CHD9: variants seen among roughly 807,000 people sequenced by gnomAD.
The protein encoded by CHD9 is chromodomain helicase DNA binding protein 9.
Under a neutral mutation model 316.1 loss-of-function variants are expected in CHD9, and 77 were observed. The observed-to-expected ratio is 0.24, with a 90% confidence interval of 0.20 to 0.29. CHD9 has a LOEUF of 0.29. Ranked by LOEUF, CHD9 falls within the 10% of genes least tolerant of loss-of-function variation. The probability of loss-of-function intolerance (pLI) is 1.00; values close to 1 mark genes in which losing one functional copy is unlikely to be tolerated. For synonymous variants in CHD9, 1,129 were observed against 1,158.3 expected, an observed-to-expected ratio of 0.97 and a Z score of 0.51; for missense variants, 2,763 against 3,438.1, an observed-to-expected ratio of 0.80 and a Z score of 4.91.
chr16:53,173,958 A>G (rs1251936049), intron 2 of CHD9, among the ~76,000 whole-genome samples: 3 of 152,164 alleles, frequency 2.0e-5, no homozygotes, highest in African/African-American at 7.2e-5. Flanking sequence ...TTTTAACTGC[A>G]TCTCACAGAT....
Position 53,187,830 on chromosome 16 carries a change from G to C in CHD9, c.1453-21652G>C, listed in dbSNP as rs75186625. On this transcript the variant is annotated intron_variant, in intron 2 of 38. Coordinates refer to ENST00000447540, the MANE Select transcript of CHD9 (RefSeq NM_001308319.2). Reference sequence around the variant, plus strand: ...TTAAATCAATGGGAATTTATAAGTAGTAAGAAAATCAGGATATCAGCTATA... The same window carrying C: ...TTAAATCAATGGGAATTTATAAGTACTAAGAAAATCAGGATATCAGCTATA... Among the ~76,000 whole-genome samples the C allele has an allele frequency of 6.2e-3, 951 of 152,276 alleles. 4 individuals are homozygous for C. Among genetic ancestry groups the C allele is most frequent in the Non-Finnish European group, 0.01 (712 of 68,000 alleles).
At chr16:53,187,432 G>C (rs2044118031) in intron 2 of CHD9, among the ~76,000 whole-genome samples, 1 of 152,154 alleles carries the variant, frequency 6.6e-6, no homozygotes, top group Non-Finnish European at 1.5e-5. Flanking sequence ...CTTGAACCCA[G>C]GAGTTCAAAG....
intron 19 of CHD9, among the ~76,000 whole-genome samples, chr16:53,260,942 C>T (rs2051028930): frequency 6.6e-6 from 1 of 152,080 alleles, no homozygotes; most frequent in Admixed American, 6.6e-5. Context: ...TCTGCAAAGT[C>T]CCTTTTCCAT....
At chr16:53,256,139 A>G (rs1217745487) in intron 19 of CHD9, among the ~76,000 whole-genome samples, 1 of 152,160 alleles carries the variant, frequency 6.6e-6, no homozygotes, top group Non-Finnish European at 1.5e-5. Context: ...AAGAACCTAA[A>G]GGAGAGAGAA....
intron 3 of CHD9, among the ~76,000 whole-genome samples, chr16:53,215,154 G>T (rs1217365531): frequency 6.6e-6 from 1 of 152,092 alleles, no homozygotes; most frequent in African/African-American, 2.4e-5. Flanking sequence ...CTGACCTCGC[G>T]ATCCGCCTGC....
chr16:53,289,751 A>G (rs1017513169), intron 27 of CHD9, among the ~76,000 whole-genome samples: 3 of 152,208 alleles, frequency 2.0e-5, no homozygotes, highest in African/African-American at 7.2e-5. Flanking sequence ...GAAGAGTCCC[A>G]TCCCTATCAG....
intron 2 of CHD9, among the ~76,000 whole-genome samples, chr16:53,171,585 C>T (rs1449664999): frequency 2.0e-5 from 3 of 151,986 alleles, no homozygotes; most frequent in Admixed American, 2.0e-4. Context: ...CGCTGTGGCT[C>T]ATGTTTATAA....
chr16:53,097,740 G>A (rs16951994), intron 1 of CHD9, among the ~76,000 whole-genome samples: 18,105 of 152,240 alleles, frequency 0.12, 1,471 homozygotes, highest in East Asian at 0.43. Flanking sequence ...TTGCAGGAAT[G>A]GATGAATAAG....
rs747971759 is a variant in CHD9 at position 53,297,115 on chromosome 16, C to T, written c.5670C>T (p.Phe1890=). ...DDSLEKYLYA[F]MSMCRRVCRL... Reference sequence around the variant, plus strand: ...GTTTGGAAAAATATTTGTACGCATTCATGTCCATGTGTCGGAGGGTTTGTC... The same window carrying T: ...GTTTGGAAAAATATTTGTACGCATTTATGTCCATGTGTCGGAGGGTTTGTC... Residue 1890 remains phenylalanine, a synonymous_variant, in exon 30 of 39, where the codon TTC becomes TTT. Transcript: ENST00000447540. 5.0e-6 allele frequency: 8 copies of T among 1,613,860 alleles called. No individual in the cohort carries two copies. The East Asian group carries it at 1.3e-4, about 27-fold the overall frequency.
intron 1 of CHD9, among the ~76,000 whole-genome samples, chr16:53,144,922 G>C (rs1357810100): frequency 6.7e-6 from 1 of 150,012 alleles, no homozygotes; most frequent in Non-Finnish European, 1.5e-5. Context: ...AGTACAGGAA[G>C]TCAAGGCTGC....
At chr16:53,267,160 G>C in intron 20 of CHD9, 134 bp from the exon 21 acceptor site, 1 of 532,878 alleles carries the variant, frequency 1.9e-6, no homozygotes, top group African/African-American at 1.9e-5. Context: ...TGACTGAATA[G>C]GTTGGTGAAA....
intron 3 of CHD9, among the ~76,000 whole-genome samples, chr16:53,212,738 T>A (rs2046431784): frequency 6.6e-6 from 1 of 152,178 alleles, no homozygotes; most frequent in African/African-American, 2.4e-5. Context: ...CTGGAGCCAG[T>A]TGCATTTGTT....
At chr16:53,102,511 C>A (rs559561899) in intron 1 of CHD9, among the ~76,000 whole-genome samples, 14 of 152,166 alleles carry the variant, frequency 9.2e-5, no homozygotes, top group Middle Eastern at 3.4e-3. Context: ...ACTCCAGAGT[C>A]TCTCTTCTGA....
intron 24 of CHD9, among the ~76,000 whole-genome samples, chr16:53,284,870 A>G (rs2053726269): frequency 6.6e-6 from 1 of 151,914 alleles, no homozygotes; most frequent in South Asian, 2.1e-4. Flanking sequence ...GGCTCAGGAG[A>G]TTTTCCCACC....
chr16:53,076,012 G>A (rs2034491596), intron 1 of CHD9, among the ~76,000 whole-genome samples: 1 of 152,016 alleles, frequency 6.6e-6, no homozygotes, highest in Admixed American at 6.6e-5. Flanking sequence ...CTAATAATTA[G>A]CGATGTCAAG....
intron 2 of CHD9, among the ~76,000 whole-genome samples, chr16:53,172,979 G>A (rs2042875435): frequency 6.6e-6 from 1 of 152,036 alleles, no homozygotes; most frequent in East Asian, 1.9e-4. Flanking sequence ...ATGTTTTGAA[G>A]GGCAAAAGTT....
chr16:53,226,194 C>G (rs1435997886), intron 4 of CHD9, among the ~76,000 whole-genome samples, 172 bp from the exon 5 acceptor site: 1 of 151,912 alleles, frequency 6.6e-6, no homozygotes, highest in Non-Finnish European at 1.5e-5. Context: ...AAGCCTGTGG[C>G]AAATGGCAAA....
chr16:53,189,912 C>G (rs944525780), intron 2 of CHD9, among the ~76,000 whole-genome samples: 1 of 152,066 alleles, frequency 6.6e-6, no homozygotes, highest in Non-Finnish European at 1.5e-5. Context: ...CATTTAAGTA[C>G]TTTTGTACTT....
chr16:53,076,878 G>T (rs1374030374), intron 1 of CHD9, among the ~76,000 whole-genome samples: 1 of 152,092 alleles, frequency 6.6e-6, no homozygotes, highest in Non-Finnish European at 1.5e-5. Context: ...TCAGTGGCAG[G>T]ATCACAGCTC....
Sources: allele counts gnomAD v4.1 joint callset (sites outside exome capture counted in the v4.1 genomes callset), GRCh38; gene constraint gnomAD v4.1.1; transcripts MANE v1.5; gene names NCBI Gene and HGNC (gene_info 2026-07-23, HGNC 2026-07-21).